NPAS2: variants seen among roughly 807,000 people sequenced by gnomAD.
NPAS2 encodes neuronal PAS domain-containing protein 2.
Under a neutral mutation model 107.5 loss-of-function variants are expected in NPAS2, and 23 were observed. That is an observed-to-expected ratio of 0.21 (90% confidence interval 0.15 to 0.30). NPAS2 has a LOEUF of 0.30. Ranked by LOEUF, NPAS2 falls within the 10% of genes least tolerant of loss-of-function variation. NPAS2 has a pLI of 1.00. For missense variants in NPAS2, 756 were observed against 1,043.3 expected (o/e 0.72, Z 3.79); for synonymous variants, 403 against 417.5 (o/e 0.97, Z 0.42).
At chr2:100,835,357 T>C (rs3849381) in intron 1 of NPAS2, among the ~76,000 whole-genome samples, 34,357 of 152,118 alleles carry the variant, frequency 0.23, 5,226 homozygotes, top group Non-Finnish European at 0.33. Context: ...AAATCCAGCA[T>C]CTGAACCTGC....
chr2:100,895,770 G>A (rs888606747), intron 1 of NPAS2, among the ~76,000 whole-genome samples: 3 of 152,162 alleles, frequency 2.0e-5, no homozygotes, highest in East Asian at 1.9e-4. Context: ...CCTAGGGGTG[G>A]GGCAGACTCA....
rs200722501 is a variant in NPAS2 at position 100,990,302 on chromosome 2, G to A, written c.1874G>A (p.Arg625His). 4.6e-5 allele frequency: 75 copies of A among 1,614,022 alleles called. No individual in the cohort carries two copies. Among genetic ancestry groups the A allele is most frequent in the East Asian group, 1.1e-4 (5 of 44,880 alleles). The stretch of plus-strand genomic sequence containing the variant: ...TCACAGCTAATGCAGAGCAGCGGCC[G>A]CTCTGGAAGCAGCCTAGTGTCCCCG... ...RSSQLMQSSG[R>H]SGSSLVSPFS... The change falls in exon 18 of 21, where the codon CGC (arginine) becomes CAC (histidine). Residue 625 changes from arginine to histidine, a missense_variant. Transcript: ENST00000335681.
chr2:100,915,440 A>G (rs577432697), intron 2 of NPAS2, among the ~76,000 whole-genome samples: 7 of 152,298 alleles, frequency 4.6e-5, no homozygotes, highest in South Asian at 2.1e-4. Flanking sequence ...AAGTGACTCT[A>G]TAAAGCTGGT....
At chr2:100,830,226 C>G (rs181092756) in intron 1 of NPAS2, among the ~76,000 whole-genome samples, 29 of 152,186 alleles carry the variant, frequency 1.9e-4, no homozygotes, top group African/African-American at 6.5e-4. Flanking sequence ...ATGAGAATGC[C>G]TCTATTTTTT....
chr2:100,990,638 C>A, intron 18 of NPAS2, 142 bp from the exon 19 acceptor site: 1 of 986,790 alleles, frequency 1.0e-6, no homozygotes, highest in Non-Finnish European at 1.6e-6. Flanking sequence ...CTGCGTCCAT[C>A]ATCCTCAGAG....
intron 12 of NPAS2, among the ~76,000 whole-genome samples, chr2:100,973,603 C>G (rs1166193599): frequency 6.6e-6 from 1 of 152,174 alleles, no homozygotes; most frequent in East Asian, 1.9e-4. Context: ...TCACTTCATT[C>G]CTACTGTAGG....
intron 2 of NPAS2, among the ~76,000 whole-genome samples, chr2:100,909,303 T>C (rs1200132930): frequency 6.6e-6 from 1 of 152,226 alleles, no homozygotes; most frequent in Non-Finnish European, 1.5e-5. Context: ...AAGAAAACAC[T>C]TTCTGCAGAG....
At position 100,904,740 on chromosome 2, in the gene NPAS2, T is replaced by G; in HGVS notation, c.-15T>G. On this transcript the variant is annotated 5_prime_UTR_variant, in exon 2 of 21. Transcript: ENST00000335681. ...TTTTTTTTTTTTTTGCAGGAAAAAC[T>G]GCATAGAAAATCTAATGGATGAAGA... The G allele has an allele frequency of 1.3e-6, 2 of 1,566,156 alleles. No homozygotes were observed. The highest frequency in any genetic ancestry group is 1.7e-6 in the Non-Finnish European group (2 of 1,145,988).
intron 11 of NPAS2, among the ~76,000 whole-genome samples, chr2:100,969,370 C>G (rs1273040968): frequency 6.6e-6 from 1 of 152,112 alleles, no homozygotes; most frequent in Non-Finnish European, 1.5e-5. Context: ...CCACCCCTGT[C>G]AGGCCCCGGT....
At chr2:100,857,439 G>T (rs1029556701) in intron 1 of NPAS2, among the ~76,000 whole-genome samples, 5 of 152,180 alleles carry the variant, frequency 3.3e-5, no homozygotes, top group African/African-American at 4.8e-5. Flanking sequence ...CTCTCAAGGA[G>T]CTGGCTAATG....
chr2:100,875,461 TACACACAC>T (rs56331462), intron 1 of NPAS2, among the ~76,000 whole-genome samples: 5,516 of 143,216 alleles, frequency 0.039, 114 homozygotes, highest in African/African-American at 0.05. Context: ...ATTAAAAGCT[TACACACAC>T]ACACACACAC....
intron 1 of NPAS2, among the ~76,000 whole-genome samples, chr2:100,865,187 A>G (rs2104546409): frequency 6.6e-6 from 1 of 152,334 alleles, no homozygotes; most frequent in East Asian, 1.9e-4. Context: ...ACACTTTGAG[A>G]ACTGCTAATA....
chr2:100,970,805 G>A (rs771994173), intron 11 of NPAS2, 185 bp from the exon 12 acceptor site: 49 of 478,244 alleles, frequency 1.0e-4, no homozygotes, highest in Non-Finnish European at 1.6e-4. Flanking sequence ...CACTCAGGTC[G>A]AATTTAAGGC....
intron 7 of NPAS2, among the ~76,000 whole-genome samples, chr2:100,955,852 C>T (rs1222168227): frequency 6.6e-6 from 1 of 152,084 alleles, no homozygotes; most frequent in African/African-American, 2.4e-5. Flanking sequence ...GGACTCCCCG[C>T]CCCATGCTCC....
At chr2:100,855,187 G>T (rs1678478708) in intron 1 of NPAS2, among the ~76,000 whole-genome samples, 1 of 152,242 alleles carries the variant, frequency 6.6e-6, no homozygotes, top group East Asian at 1.9e-4. Flanking sequence ...TACCTTGGGG[G>T]TATTAATCCT....
At chr2:100,838,133 G>A (rs1319734069) in intron 1 of NPAS2, among the ~76,000 whole-genome samples, 2 of 149,828 alleles carry the variant, frequency 1.3e-5, no homozygotes, top group African/African-American at 4.9e-5. Context: ...ATCAGAAAAC[G>A]ACTATCTTTC....
chr2:100,882,480 T>G (rs1422866690), intron 1 of NPAS2, among the ~76,000 whole-genome samples: 7 of 152,078 alleles, frequency 4.6e-5, no homozygotes, highest in Non-Finnish European at 8.8e-5. Flanking sequence ...GCGTAGGTGG[T>G]GCATGCCTGT....
chr2:100,945,612 C>T (rs1290532130), intron 5 of NPAS2, among the ~76,000 whole-genome samples: 2 of 152,226 alleles, frequency 1.3e-5, no homozygotes, highest in African/African-American at 4.8e-5. Context: ...AGGCCTCTCT[C>T]ATCTGGGCCC....
intron 7 of NPAS2, among the ~76,000 whole-genome samples, chr2:100,953,375 T>TA (rs770159746): frequency 0.034 from 3,006 of 87,386 alleles, 102 homozygotes; most frequent in Middle Eastern, 0.076. Flanking sequence ...CTCCATCTCA[T>TA]AAAAAAAAAA....
Sources: gnomAD v4.1 joint callset for allele counts (sites outside exome capture counted in the v4.1 genomes callset) on GRCh38, gnomAD v4.1.1 for gene constraint, MANE v1.5 for transcripts, NCBI Gene and HGNC (gene_info 2026-07-23, HGNC 2026-07-21) for gene names.